WDFY4: variants seen among roughly 807,000 people sequenced by gnomAD.
WDFY4 encodes WDFY family member 4, also known as WD repeat- and FYVE domain-containing protein 4.
WDFY4 carries 169 observed loss-of-function variants against 351.9 expected under a neutral mutation model. That is an observed-to-expected ratio of 0.48 (90% CI 0.42 to 0.55). WDFY4 has a LOEUF of 0.55. Among genes scored for constraint, WDFY4 ranks in the 20% least tolerant of loss-of-function variants. The pLI is 0.00. For missense variants in WDFY4, 3,803 were observed against 3,935.6 expected (o/e 0.97, Z 0.90); for synonymous variants, 1,622 against 1,574.6 (o/e 1.03, Z -0.71).
At position 48,969,074 on chromosome 10, in the gene WDFY4, C is replaced by A. The variant is rs2131830140; in HGVS notation, c.8595C>A (p.Leu2865=). 5 of 1,551,462 alleles carry A rather than the reference C, an allele frequency of 3.2e-6. No individual in the cohort carries two copies. Among genetic ancestry groups the A allele is most frequent in the African/African-American group, 1.4e-5 (1 of 73,116 alleles). ...CTAACTGGGGTGTAGATATGTACCT[C>A]TTTTCTCTAGGCTCAGAGTCCCCCA... is the stretch of plus-strand genomic sequence containing the variant. ...PSQVTVKDMY[L]FSLGSESPKG... The change falls in exon 56 of 62, where the codon CTC becomes CTA. Residue 2865 remains leucine (L), a synonymous_variant. Coordinates refer to ENST00000325239, the MANE Select transcript of WDFY4 (RefSeq NM_001394531.1).
chr10:48,798,173 G>A (rs968757483), intron 24 of WDFY4, among the ~76,000 whole-genome samples: 8 of 152,162 alleles, frequency 5.3e-5, no homozygotes, highest in African/African-American at 1.7e-4. Flanking sequence ...TATAAAAAGA[G>A]AATACTCTTT....
At chr10:48,918,847 A>ATAGC (rs562769731) in intron 47 of WDFY4, among the ~76,000 whole-genome samples, 4 of 152,206 alleles carry the variant, frequency 2.6e-5, no homozygotes, top group South Asian at 4.1e-4. Flanking sequence ...CTGGTTGCCA[A>ATAGC]TAGCTGCCCA....
chr10:48,701,027 A>G (rs1411054254), intron 1 of WDFY4, among the ~76,000 whole-genome samples: 1 of 152,210 alleles, frequency 6.6e-6, no homozygotes. Flanking sequence ...ATCCAGCTCC[A>G]TTACCTTTTC....
intron 39 of WDFY4, among the ~76,000 whole-genome samples, chr10:48,834,810 C>T (rs1315048667): frequency 6.6e-6 from 1 of 152,238 alleles, no homozygotes; most frequent in Non-Finnish European, 1.5e-5. Context: ...CTTCTCCCTT[C>T]CCCTCTAGTC....
At chr10:48,738,013 C>T (rs2064726656) in intron 11 of WDFY4, among the ~76,000 whole-genome samples, 1 of 152,312 alleles carries the variant, frequency 6.6e-6, no homozygotes, top group South Asian at 2.1e-4. Context: ...CTGTTTGGTA[C>T]ATTTTCCTTC....
At chr10:48,752,212 T>C (rs2065206460) in intron 12 of WDFY4, among the ~76,000 whole-genome samples, 1 of 152,194 alleles carries the variant, frequency 6.6e-6, no homozygotes, top group South Asian at 2.1e-4. Flanking sequence ...CAGAATCCAT[T>C]GTAAAGTTGC....
intron 42 of WDFY4, among the ~76,000 whole-genome samples, chr10:48,876,581 C>A (rs2070019337): frequency 6.8e-6 from 1 of 147,210 alleles, no homozygotes; most frequent in South Asian, 2.2e-4. Flanking sequence ...TTTTATTTCT[C>A]ACAACTTCAT....
At chr10:48,839,788 A>T (rs2068533513) in intron 39 of WDFY4, among the ~76,000 whole-genome samples, 1 of 152,270 alleles carries the variant, frequency 6.6e-6, no homozygotes, top group African/African-American at 2.4e-5. Context: ...ACTATCTGTT[A>T]GATAAATAAA....
At chr10:48,970,509 C>T (rs997962268) in intron 57 of WDFY4, among the ~76,000 whole-genome samples, 1 of 152,198 alleles carries the variant, frequency 6.6e-6, no homozygotes, top group Non-Finnish European at 1.5e-5. Context: ...CATTTTATTC[C>T]CATGGTGCAT....
chr10:48,779,429 C>G (rs991419501), intron 18 of WDFY4, among the ~76,000 whole-genome samples: 2 of 152,184 alleles, frequency 1.3e-5, no homozygotes, highest in East Asian at 3.9e-4. Context: ...TTGTTCTTCT[C>G]CTGTGTCCTG....
chr10:48,730,506 C>A (rs1461004233), intron 8 of WDFY4, among the ~76,000 whole-genome samples: 2 of 152,150 alleles, frequency 1.3e-5, no homozygotes, highest in Non-Finnish European at 2.9e-5. Flanking sequence ...TGAGGCTTAA[C>A]CTTCAAGCTG....
intron 47 of WDFY4, among the ~76,000 whole-genome samples, chr10:48,934,043 G>A (rs1173916962): frequency 6.6e-6 from 1 of 152,112 alleles, no homozygotes; most frequent in African/African-American, 2.4e-5. Context: ...ATCTCTCCCT[G>A]GAGGCTGAGG....
chr10:48,947,127 T>C (rs1841087869), intron 51 of WDFY4, among the ~76,000 whole-genome samples, 158 bp downstream of exon 51: 1 of 152,184 alleles, frequency 6.6e-6, no homozygotes, highest in Admixed American at 6.5e-5. Flanking sequence ...GGCTCCAGGA[T>C]TCTGGCTCAC....
chr10:48,697,330 G>T (rs1332946971), intron 1 of WDFY4, among the ~76,000 whole-genome samples: 1 of 152,236 alleles, frequency 6.6e-6, no homozygotes, highest in Non-Finnish European at 1.5e-5. Context: ...GCATCACAGA[G>T]CTCTGGGGGT....
intron 54 of WDFY4, among the ~76,000 whole-genome samples, chr10:48,966,260 C>G (rs1458900989): frequency 6.6e-6 from 1 of 152,110 alleles, no homozygotes; most frequent in Non-Finnish European, 1.5e-5. Context: ...CCAGTCTTCT[C>G]CCAAGCAGCT....
intron 14 of WDFY4, among the ~76,000 whole-genome samples, chr10:48,774,900 A>AG (rs2065979116): frequency 6.7e-6 from 1 of 148,962 alleles, no homozygotes; most frequent in South Asian, 2.2e-4. Flanking sequence ...TGGGGGCTGG[A>AG]GGGGGCTCCA....
chr10:48,887,074 C>A (rs1012922554), intron 43 of WDFY4, among the ~76,000 whole-genome samples: 1 of 152,172 alleles, frequency 6.6e-6, no homozygotes, highest in African/African-American at 2.4e-5. Context: ...AGCTATTAAC[C>A]CAGCTCTCAC....
chr10:48,703,148 A>G (rs1369461800), intron 1 of WDFY4, among the ~76,000 whole-genome samples: 1 of 152,214 alleles, frequency 6.6e-6, no homozygotes, highest in African/African-American at 2.4e-5. Context: ...CACCCTGAAC[A>G]TGTTTTAGGA....
At chr10:48,892,103 A>G (rs1836832936) in intron 44 of WDFY4, among the ~76,000 whole-genome samples, 1 of 152,174 alleles carries the variant, frequency 6.6e-6, no homozygotes, top group African/African-American at 2.4e-5. Flanking sequence ...ATACTGATCA[A>G]TATGGACAAT....
Sources: gnomAD v4.1 joint callset for allele counts (sites outside exome capture counted in the v4.1 genomes callset) on GRCh38, gnomAD v4.1.1 for gene constraint, MANE v1.5 for transcripts, NCBI Gene and HGNC (gene_info 2026-07-23, HGNC 2026-07-21) for gene names.